The following C5orf63 variants were observed in gnomAD, a reference collection of about 807,000 sequenced individuals.
The protein encoded by C5orf63 is glutaredoxin-like protein C5orf63.
A neutral mutation model predicts 13.3 loss-of-function variants in C5orf63; 18 were observed. The observed-to-expected ratio is 1.36, with a 90% CI of 0.94 to 2.01. C5orf63 has a LOEUF of 2.01. Among genes scored for constraint, C5orf63 ranks in the 30% most tolerant of loss-of-function variants. C5orf63 has a pLI of 0.00. For synonymous variants in C5orf63, 38 were observed against 44.7 expected (o/e 0.85, Z 0.60); for missense variants, 118 against 127.7 (o/e 0.92, Z 0.36).
chr5:127,047,762 G>A, downstream of C5orf63: 2 of 703,844 alleles, frequency 2.8e-6, no homozygotes, highest in Non-Finnish European at 5.2e-6. Flanking sequence ...ATTGTTTTTG[G>A]TGCATCTAAT....
intron 2 of C5orf63, among the ~76,000 whole-genome samples, chr5:127,059,719 A>G (rs1278314853): frequency 1.4e-5 from 2 of 146,116 alleles, no homozygotes; most frequent in African/African-American, 5.1e-5. Flanking sequence ...TGGACATGAG[A>G]TCTTATCTCA....
At chr5:127,049,922 C>T (rs1267773915), downstream of C5orf63, among the ~76,000 whole-genome samples, 1 of 152,084 alleles carries the variant, frequency 6.6e-6, no homozygotes, top group Non-Finnish European at 1.5e-5. Context: ...GACTGATGTC[C>T]CTATCTTCCT....
At chr5:127,070,552 T>C (rs1244772220) in intron 2 of C5orf63, among the ~76,000 whole-genome samples, 1 of 152,332 alleles carries the variant, frequency 6.6e-6, no homozygotes, top group Non-Finnish European at 1.5e-5. Flanking sequence ...GTTAGTAAAG[T>C]AGAAAAGACA....
chr5:127,047,612 C>T (rs1753545609), downstream of C5orf63: 2 of 660,478 alleles, frequency 3.0e-6, no homozygotes, highest in East Asian at 2.7e-5. Flanking sequence ...ATATGGGATA[C>T]CTTCAGAAAG....
downstream of C5orf63, chr5:127,043,881 T>C (rs2126875203): frequency 6.6e-6 from 1 of 152,368 alleles, no homozygotes; most frequent in African/African-American, 2.4e-5. Flanking sequence ...ACATTTTAAC[T>C]CATTTTTAAG....
chr5:127,067,748 C>A (rs1321432273), intron 2 of C5orf63, among the ~76,000 whole-genome samples: 1 of 152,034 alleles, frequency 6.6e-6, no homozygotes, highest in Non-Finnish European at 1.5e-5. Flanking sequence ...TATTATTTTA[C>A]CAAGGATATC....
downstream of C5orf63, among the ~76,000 whole-genome samples, chr5:127,048,308 C>T (rs1753570812): frequency 6.6e-6 from 1 of 151,446 alleles, no homozygotes; most frequent in Non-Finnish European, 1.5e-5. Context: ...CTTTACTTCC[C>T]TGGGACAAAC....
chr5:127,059,095 G>A (rs1457179797), intron 2 of C5orf63, 93 bp from the exon 3 acceptor site: 2 of 808,936 alleles, frequency 2.5e-6, no homozygotes, highest in Non-Finnish European at 4.0e-6. Context: ...GATGGAATTT[G>A]CGGGCTTCAG....
At chr5:127,052,552 T>TCC (rs1753717609) in intron 4 of C5orf63, 61 bp downstream of exon 4, 1 of 1,153,114 alleles carries the variant, frequency 8.7e-7, no homozygotes, top group South Asian at 2.2e-5. Flanking sequence ...TCCAGGCAGA[T>TCC]ACTTTATACC....
chr5:127,047,168 A>G (rs1753537574), downstream of C5orf63: 2 of 153,544 alleles, frequency 1.3e-5, no homozygotes, highest in African/African-American at 2.4e-5. Flanking sequence ...ATGAAGTCCC[A>G]AACTATTCCA....
intron 2 of C5orf63, among the ~76,000 whole-genome samples, chr5:127,071,176 T>C (rs1754524775): frequency 6.6e-6 from 1 of 152,166 alleles, no homozygotes; most frequent in South Asian, 2.1e-4. Context: ...AACTCACACC[T>C]TGAGCAGGAG....
downstream of C5orf63, among the ~76,000 whole-genome samples, chr5:127,048,538 T>A (rs927976240): frequency 6.6e-6 from 1 of 151,992 alleles, no homozygotes; most frequent in Admixed American, 6.6e-5. Context: ...ATCTTATTTT[T>A]AAAAAACTCC....
intron 3 of C5orf63, among the ~76,000 whole-genome samples, chr5:127,055,050 T>C (rs1319647055): frequency 6.6e-6 from 1 of 152,190 alleles, no homozygotes; most frequent in African/African-American, 2.4e-5. Flanking sequence ...TGGTTGTAGA[T>C]GTGTAGTATT....
At chr5:127,072,551 A>C (rs1171753026) in intron 1 of C5orf63, among the ~76,000 whole-genome samples, 1 of 152,200 alleles carries the variant, frequency 6.6e-6, no homozygotes, top group Non-Finnish European at 1.5e-5. Flanking sequence ...AATGCGCTAG[A>C]AAGTATTGGG....
chr5:127,043,967 C>T (rs556200115), downstream of C5orf63: 1 of 152,336 alleles, frequency 6.6e-6, no homozygotes, highest in South Asian at 2.1e-4. Context: ...GTTGTGAGGA[C>T]TCAGGACCAC....
intron 3 of C5orf63, among the ~76,000 whole-genome samples, chr5:127,055,841 G>GT (rs1039182977): frequency 2.0e-5 from 3 of 151,972 alleles, no homozygotes; most frequent in South Asian, 2.1e-4. Context: ...GTTTTGTTTT[G>GT]TTTTTTAGAC....
intron 3 of C5orf63, among the ~76,000 whole-genome samples, chr5:127,057,447 T>C (rs761588750): frequency 1.2e-4 from 19 of 152,244 alleles, no homozygotes; most frequent in Non-Finnish European, 2.8e-4. Context: ...AAGAAATCAG[T>C]AATGTCTGTA....
exon 5 of C5orf63, chr5:127,046,116 T>C (rs1419575583): frequency 6.6e-6 from 1 of 152,268 alleles, no homozygotes; most frequent in East Asian, 1.9e-4. Flanking sequence ...CCCCAGACCT[T>C]TGTTTTGCAC....
chr5:127,049,142 C>T (rs148344991), downstream of C5orf63, among the ~76,000 whole-genome samples: 169 of 152,196 alleles, frequency 1.1e-3, no homozygotes, highest in African/African-American at 3.9e-3. Context: ...GGTAGGGAGG[C>T]CAGACACCCC....
Sources: gnomAD v4.1 joint callset for allele counts (sites outside exome capture counted in the v4.1 genomes callset) on GRCh38, gnomAD v4.1.1 for gene constraint, MANE v1.5 for transcripts, NCBI Gene and HGNC (gene_info 2026-07-23, HGNC 2026-07-21) for gene names.